Variants in MEAK7 observed in about 807,000 individuals in gnomAD.
MEAK7 encodes the protein MTOR associated protein MEAK7.
In MEAK7, 68 loss-of-function variants were observed where a neutral mutation model predicts 40.5. That is an observed-to-expected ratio of 1.68 (90% confidence interval 1.38 to 2.06). MEAK7 has a LOEUF of 2.06. Ranked by LOEUF, MEAK7 falls within the 30% of genes most tolerant of loss-of-function variation. MEAK7 has a pLI of 0.00. For synonymous variants in MEAK7, 338 were observed against 231.9 expected (o/e 1.46, Z -4.16); for missense variants, 918 against 580.5 (o/e 1.58, Z -5.98).
In MEAK7 at chr16:84,486,696, T is replaced by A. The variant is rs1448193654; in HGVS notation, c.893A>T (p.Asp298Val). ...HRGPCVAVLEDHDKHVFGGFA... is the reference protein window; with the variant it reads ...HRGPCVAVLEVHDKHVFGGFA... ...CCCACCGAACACATGCTTGTCATGG[T>A]CCTCGAGGACAGCCACACAGGGTCC... The change falls in exon 5 of 8, where the codon GAC becomes GTC. Residue 298 changes from aspartate to valine, a missense_variant. Coordinates refer to ENST00000343629, the MANE Select transcript of MEAK7 (RefSeq NM_020947.4). 1.9e-6 allele frequency: 3 copies of A among 1,614,122 alleles called. No homozygotes were observed. Among genetic ancestry groups the A allele is most frequent in the African/African-American group, 2.7e-5 (2 of 75,018 alleles).
intron 3 of MEAK7, among the ~76,000 whole-genome samples, chr16:84,490,494 A>G (rs1190390939): frequency 6.0e-5 from 7 of 116,600 alleles, no homozygotes; most frequent in African/African-American, 1.0e-4. Flanking sequence ...CAACAGCCTG[A>G]GTTTGGTTCC....
intron 3 of MEAK7, among the ~76,000 whole-genome samples, chr16:84,490,486 A>C (rs1567497349): frequency 8.6e-6 from 1 of 115,640 alleles, no homozygotes; most frequent in Non-Finnish European, 1.6e-5. Context: ...TTTTACCTCA[A>C]CAGCCTGAGT....
intron 5 of MEAK7, among the ~76,000 whole-genome samples, chr16:84,484,159 T>C (rs545618037): frequency 2.0e-5 from 3 of 152,348 alleles, no homozygotes; most frequent in East Asian, 1.9e-4. Context: ...TCAGCTGCGA[T>C]AGGCCCAGAT....
chr16:84,498,493 T>C (rs976460730), intron 1 of MEAK7, among the ~76,000 whole-genome samples: 13 of 151,986 alleles, frequency 8.6e-5, no homozygotes, highest in African/African-American at 2.7e-4. Context: ...CAGGCTGGTC[T>C]CCAGCTTCTG....
chr16:84,479,027 T>C lies in MEAK7; in HGVS notation c.*886A>G, dbSNP rs1380593573. On this transcript the variant is annotated 3_prime_UTR_variant, in exon 8 of 8. Transcript: ENST00000343629. ...ACAACTTTGCTTCTCTGTAGACAGA[T>C]CTCCCAACTTTCCCATCTGTTCCTC... 1.3e-5 allele frequency: 2 copies of C among 152,216 alleles called. No individual in the cohort carries two copies. The highest frequency in any genetic ancestry group is 2.4e-5 in the African/African-American group (1 of 41,456). 9.4% of individuals were successfully genotyped at this position (152,216 alleles called of 1,614,324 possible). A position where few individuals can be genotyped will look rare whatever the true frequency, so the allele number is the denominator to read the frequency against.
chr16:84,485,536 G>T (rs1912958016), intron 5 of MEAK7, among the ~76,000 whole-genome samples: 1 of 152,216 alleles, frequency 6.6e-6, no homozygotes, highest in African/African-American at 2.4e-5. Flanking sequence ...GATGTACCGG[G>T]GAATGCCAAA....
Position 84,480,081 on chromosome 16 carries a change from C to G in MEAK7, c.1258-55G>C, listed in dbSNP as rs1912390038. 2.2e-6 allele frequency: 3 copies of G among 1,377,750 alleles called. No individual in the cohort carries two copies. In the East Asian group the frequency reaches 7.5e-5, roughly 34 times the overall value. The allele number at this position is 1,377,750 out of a possible 1,614,324, so 85.3% of individuals were successfully genotyped here. On this transcript the variant is annotated intron_variant, in intron 7 of 7. Transcript: ENST00000343629. ...TCCATGATGGCCCAACAAGAGGCAG[C>G]AGCTTCCTGCTAGTTTTCCAGCCTT...
At chr16:84,498,515 T>G (rs1312505257) in intron 1 of MEAK7, among the ~76,000 whole-genome samples, 2 of 152,012 alleles carry the variant, frequency 1.3e-5, no homozygotes, top group African/African-American at 2.4e-5. Context: ...CCTTAAGTGA[T>G]TCTCCTGCCT....
intron 1 of MEAK7, among the ~76,000 whole-genome samples, chr16:84,502,015 A>G (rs1597976043): frequency 6.6e-6 from 1 of 152,206 alleles, no homozygotes; most frequent in South Asian, 2.1e-4. Context: ...GTGGTGGTGC[A>G]TGCCTGTAAT....
At chr16:84,490,461 T>C (rs1336614421) in intron 3 of MEAK7, among the ~76,000 whole-genome samples, 2,548 of 61,104 alleles carry the variant, frequency 0.042, 129 homozygotes, top group Non-Finnish European at 0.1. Flanking sequence ...TTTTTTTTTT[T>C]TTTTTTTTTT....
intron 5 of MEAK7, among the ~76,000 whole-genome samples, chr16:84,484,775 CCA>C: frequency 6.6e-6 from 1 of 152,246 alleles, no homozygotes; most frequent in African/African-American, 2.4e-5. Flanking sequence ...CGAACTTGAC[CCA>C]CAGTCCACGG....
At chr16:84,503,941 C>T in intron 1 of MEAK7, 1 of 985,612 alleles carries the variant, frequency 1.0e-6, no homozygotes, top group Non-Finnish European at 1.2e-6. Context: ...TAGAGCCACA[C>T]AAGGGTCCCT....
intron 6 of MEAK7, among the ~76,000 whole-genome samples, chr16:84,481,026 C>T (rs1912489270): frequency 6.7e-6 from 1 of 148,846 alleles, no homozygotes; most frequent in South Asian, 2.2e-4. Context: ...AGAAAGAGAC[C>T]TCCAGGGCCC....
chr16:84,485,665 T>TCCATCTAC (rs1555512555), intron 5 of MEAK7, among the ~76,000 whole-genome samples: 1 of 151,182 alleles, frequency 6.6e-6, no homozygotes, highest in South Asian at 2.1e-4. Flanking sequence ...CATCCATCCA[T>TCCATCTAC]CTATCTACCT....
intron 5 of MEAK7, 85 bp downstream of exon 5, chr16:84,486,546 A>G (rs1327303928): frequency 2.0e-6 from 3 of 1,502,582 alleles, no homozygotes; most frequent in East Asian, 2.3e-5. Context: ...GGAGAGCCCT[A>G]TTTAGCACCC....
intron 5 of MEAK7, among the ~76,000 whole-genome samples, chr16:84,485,235 A>G (rs1912931337): frequency 6.6e-6 from 1 of 152,228 alleles, no homozygotes; most frequent in South Asian, 2.1e-4. Flanking sequence ...CTGGGCTGGC[A>G]CCTGGAAACT....
At position 84,495,737 on chromosome 16, in the gene MEAK7, A is replaced by C; in HGVS notation, c.330T>G (p.Ile110Met). The change falls in exon 3 of 8, where the codon ATT becomes ATG. Residue 110 changes from isoleucine to methionine, a missense_variant. Transcript: ENST00000343629. ...KGNSEEKSLM[I>M]MKMISATEGP... ...CTTCTGTGGCAGAAATCATTTTCAT[A>C]ATCATGAGACTCTTCTCCTCGGAGT... 6.2e-7 allele frequency: 1 copy of C among 1,613,886 alleles called. No individual in the cohort carries two copies.
chr16:84,480,811 C>G, intron 6 of MEAK7, 103 bp from the exon 7 acceptor site: 3 of 1,329,086 alleles, frequency 2.3e-6, no homozygotes, highest in Non-Finnish European at 3.0e-6. Context: ...CAGCCTGAGA[C>G]AGGGGCGGGT....
intron 5 of MEAK7, among the ~76,000 whole-genome samples, chr16:84,485,087 C>T (rs942401921): frequency 3.3e-5 from 5 of 152,120 alleles, no homozygotes; most frequent in African/African-American, 4.8e-5. Context: ...GTAATTTCCC[C>T]GGAGCCCGAG....
Sources: allele counts gnomAD v4.1 joint callset (sites outside exome capture counted in the v4.1 genomes callset), GRCh38; gene constraint gnomAD v4.1.1; transcripts MANE v1.5; gene names NCBI Gene and HGNC (gene_info 2026-07-23, HGNC 2026-07-21).